NIPAL2: variants seen among roughly 807,000 people sequenced by gnomAD.
NIPAL2 encodes the protein NIPA-like protein 2.
Under a neutral mutation model 48.9 loss-of-function variants are expected in NIPAL2, and 43 were observed. The ratio of observed to expected loss-of-function variants is 0.88; its 90% CI spans 0.69 to 1.13. The LOEUF is 1.13. NIPAL2 is among the 50% of genes most tolerant of loss of function. NIPAL2 has a pLI of 0.00. For missense variants in NIPAL2, 446 were observed against 461.4 expected (o/e 0.97, Z 0.31); for synonymous variants, 167 against 174.6 (o/e 0.96, Z 0.34).
At chr8:98,279,477 A>G (rs1815669891) in intron 1 of NIPAL2, among the ~76,000 whole-genome samples, 1 of 152,194 alleles carries the variant, frequency 6.6e-6, no homozygotes, top group South Asian at 2.1e-4. Context: ...GGAAGTTTAA[A>G]CATCTCTCTC....
At chr8:98,215,392 T>A (rs1811524251) in intron 5 of NIPAL2, among the ~76,000 whole-genome samples, 1 of 152,158 alleles carries the variant, frequency 6.6e-6, no homozygotes, top group South Asian at 2.1e-4. Context: ...CCTGAAAACA[T>A]CAATATTAAA....
intron 5 of NIPAL2, chr8:98,217,042 G>A (rs1811613472): frequency 6.1e-6 from 6 of 985,050 alleles, no homozygotes; most frequent in Non-Finnish European, 7.2e-6. Context: ...TTCTCACCTA[G>A]TTTGACCTTG....
At chr8:98,276,049 A>G (rs527632186) in intron 1 of NIPAL2, among the ~76,000 whole-genome samples, 1 of 152,316 alleles carries the variant, frequency 6.6e-6, no homozygotes, top group African/African-American at 2.4e-5. Context: ...CTCATGAATC[A>G]AGAGTAATAC....
rs1476459965 is a variant in NIPAL2, at chr8:98,259,069, CCTTTTTTTTTT to C, written c.136-4993_136-4983del. On this transcript the variant is annotated intron_variant, in intron 1 of 10. Coordinates refer to ENST00000430223, the MANE Select transcript of NIPAL2 (RefSeq NM_001321635.2). ...TTATGCTGCTGTTCCTTTAAATATT[CCTTTTTTTTTT>C]TTTTTTTTTTTTTTGAGACGGAGTT... is the stretch of plus-strand genomic sequence containing the variant. 6.7e-5 allele frequency among the ~76,000 whole-genome samples: 6 copies of C among 89,358 alleles called. No individual in the cohort carries two copies. In the Admixed American group the frequency reaches 9.0e-4, roughly 13 times the overall value. 58.6% of individuals were successfully genotyped at this position (89,358 alleles called of 152,430 possible). A position where few individuals can be genotyped will look rare whatever the true frequency, so the allele number is the denominator to read the frequency against.
chr8:98,283,790 C>G (rs1163564083), intron 1 of NIPAL2, among the ~76,000 whole-genome samples: 2 of 152,172 alleles, frequency 1.3e-5, no homozygotes, highest in East Asian at 3.9e-4. Context: ...TTGTCAGCAT[C>G]TTTCCCCAAA....
intron 2 of NIPAL2, 41 bp downstream of exon 2, chr8:98,253,978 G>T: frequency 7.1e-7 from 1 of 1,404,824 alleles, no homozygotes; most frequent in Non-Finnish European, 1.0e-6. Flanking sequence ...ATGTGTCCCT[G>T]GATCAATCTA....
In NIPAL2 at chr8:98,285,913, G is replaced by A. The variant is rs116432124; in HGVS notation, c.135+8090C>T. On this transcript the variant is annotated intron_variant, in intron 1 of 10. Coordinates refer to ENST00000430223, the MANE Select transcript of NIPAL2 (RefSeq NM_001321635.2). Reference sequence around the variant, plus strand: ...AGAGTTGCAAAGAAGGTGAAGTGGGGTCAAGTGATGAAATGGTTTAAATGT... The same window carrying A: ...AGAGTTGCAAAGAAGGTGAAGTGGGATCAAGTGATGAAATGGTTTAAATGT... Among the ~76,000 whole-genome samples the A allele has an allele frequency of 7.0e-3, 1,067 of 152,250 alleles. 9 individuals are homozygous for A. Among genetic ancestry groups the A allele is most frequent in the African/African-American group, 0.024 (1,010 of 41,536 alleles).
intron 4 of NIPAL2, among the ~76,000 whole-genome samples, chr8:98,224,281 C>T (rs912166818): frequency 2.6e-5 from 4 of 152,122 alleles, no homozygotes; most frequent in African/African-American, 4.8e-5. Context: ...ACCACTAGTT[C>T]CTGGGGTTTT....
At chr8:98,196,315 A>C (rs528607755) in intron 8 of NIPAL2, among the ~76,000 whole-genome samples, 85 of 152,356 alleles carry the variant, frequency 5.6e-4, no homozygotes, top group African/African-American at 1.9e-3. Flanking sequence ...ACAAGAAAAC[A>C]ACACTCTAGC....
chr8:98,220,572 C>T (rs1230820227), intron 5 of NIPAL2, among the ~76,000 whole-genome samples: 3 of 152,034 alleles, frequency 2.0e-5, no homozygotes, highest in South Asian at 2.1e-4. Context: ...CCATGCCTGG[C>T]TAATTTTTAA....
At chr8:98,207,895 T>C (rs754663261) in intron 6 of NIPAL2, among the ~76,000 whole-genome samples, 1 of 152,244 alleles carries the variant, frequency 6.6e-6, no homozygotes, top group Non-Finnish European at 1.5e-5. Flanking sequence ...GAATTTATTT[T>C]GGCAATTCCC....
intron 8 of NIPAL2, among the ~76,000 whole-genome samples, chr8:98,200,540 C>T (rs1810751041): frequency 6.6e-6 from 1 of 152,172 alleles, no homozygotes; most frequent in Non-Finnish European, 1.5e-5. Flanking sequence ...TGTTGATGGA[C>T]ATCTGGGTTG....
chr8:98,223,502 A>G (rs1812005525), intron 4 of NIPAL2, among the ~76,000 whole-genome samples: 1 of 152,234 alleles, frequency 6.6e-6, no homozygotes, highest in Non-Finnish European at 1.5e-5. Flanking sequence ...ACTTGCTTCA[A>G]CTTGCTTCAT....
Position 98,234,713 on chromosome 8 carries a change from ATTTT to A in NIPAL2, c.436+1438_436+1441del, listed in dbSNP as rs33980111. Among the ~76,000 whole-genome samples the A allele has an allele frequency of 3.7e-4, 51 of 138,254 alleles. No individual in the cohort carries two copies. The East Asian group carries it at 9.7e-3, about 26-fold the overall frequency. The allele number at this position is 138,254 out of a possible 152,430, so 90.7% of individuals were successfully genotyped here. ...CAAGTGCATGACACCACACCTGTCT[ATTTT>A]TTTTTTTTTTTTTCAGTAGAGACGG... On this transcript the variant is annotated intron_variant, in intron 4 of 10. Transcript: ENST00000430223.
At chr8:98,209,445 CAAAAAA>C (rs33923448) in intron 6 of NIPAL2, among the ~76,000 whole-genome samples, 5 of 70,504 alleles carry the variant, frequency 7.1e-5, no homozygotes, top group African/African-American at 3.1e-4. Flanking sequence ...CCTGTCTCTC[CAAAAAA>C]AAAAAAAAAA....
At chr8:98,280,556 A>G (rs996790353) in intron 1 of NIPAL2, among the ~76,000 whole-genome samples, 2 of 151,448 alleles carry the variant, frequency 1.3e-5, no homozygotes, top group Admixed American at 1.3e-4. Flanking sequence ...TTCATGGTGA[A>G]CTCTTAGGAA....
chr8:98,233,236 C>A (rs750195331), intron 4 of NIPAL2, among the ~76,000 whole-genome samples: 8 of 150,416 alleles, frequency 5.3e-5, no homozygotes, highest in Admixed American at 4.6e-4. Context: ...CCAGCCTGGG[C>A]AACAGAGCGA....
At chr8:98,214,691 T>C (rs1811489341) in intron 5 of NIPAL2, among the ~76,000 whole-genome samples, 1 of 152,192 alleles carries the variant, frequency 6.6e-6, no homozygotes, top group African/African-American at 2.4e-5. Context: ...TGTTTTTTTC[T>C]CTAATCCTTT....
chr8:98,194,220 T>C (rs1026577102), intron 10 of NIPAL2, among the ~76,000 whole-genome samples: 1 of 152,038 alleles, frequency 6.6e-6, no homozygotes, highest in Non-Finnish European at 1.5e-5. Flanking sequence ...TATTTCTCAG[T>C]GAGAGTGAGA....
Sources: gnomAD v4.1 joint callset for allele counts (sites outside exome capture counted in the v4.1 genomes callset) on GRCh38, gnomAD v4.1.1 for gene constraint, MANE v1.5 for transcripts, NCBI Gene and HGNC (gene_info 2026-07-23, HGNC 2026-07-21) for gene names.